Variants in SLC35F4 observed in about 807,000 individuals in gnomAD.
SLC35F4 encodes chromosome 14 open reading frame 36.
Under a neutral mutation model 44.2 loss-of-function variants are expected in SLC35F4, and 24 were observed. The observed-to-expected ratio is 0.54, with a 90% confidence interval of 0.39 to 0.76. The LOEUF (loss-of-function observed/expected upper bound fraction) is 0.76, where lower values mean the gene tolerates loss of function less well. Among genes scored for constraint, SLC35F4 ranks in the 30% least tolerant of loss-of-function variants. The pLI, the probability that SLC35F4 is intolerant of heterozygous loss-of-function variation, is 0.00. For synonymous variants in SLC35F4, 238 were observed against 223.6 expected, an observed-to-expected ratio of 1.06 and a Z score of -0.57; for missense variants, 562 against 586.1, an observed-to-expected ratio of 0.96 and a Z score of 0.42.
chr14:57,566,471 G>T lies in SLC35F4; in HGVS notation c.1216+4C>A, dbSNP rs771345490. 6.3e-7 allele frequency: 1 copy of T among 1,584,984 alleles called. No homozygotes were observed. The highest frequency in any genetic ancestry group is 1.8e-5 in the Admixed American group (1 of 55,972). ...GATCTGCACATGTCACATGGTGCCT[G>T]TACCTGCATTTCCAGGAACGCTGAG... On this transcript the variant is annotated splice_donor_region_variant and intron_variant, in intron 7 of 7. Coordinates refer to ENST00000556826, the MANE Select transcript of SLC35F4 (RefSeq NM_001306087.2).
At chr14:57,930,543 G>A (rs778081897) in intron 1 of SLC35F4, among the ~76,000 whole-genome samples, 2 of 152,076 alleles carry the variant, frequency 1.3e-5, no homozygotes, top group Non-Finnish European at 1.5e-5. Context: ...CCCGCTCTAA[G>A]GTGCCGTAAG....
At position 57,839,240 on chromosome 14, in the gene SLC35F4, T is replaced by C. The variant is rs575219652; in HGVS notation, c.103+26483A>G. Among the ~76,000 whole-genome samples, 15 of 152,178 alleles carry C rather than the reference T, an allele frequency of 9.9e-5. No homozygotes were observed. The South Asian group carries it at 3.1e-3, about 32-fold the overall frequency. ...TGTTCCTGTTCAGCACCAAGATAGG[T>C]CAAATATTAGAAAACTCCACTCCTT... On this transcript the variant is annotated intron_variant, in intron 1 of 7. Transcript: ENST00000556826.
intron 1 of SLC35F4, among the ~76,000 whole-genome samples, chr14:57,629,030 C>T (rs910061547): frequency 1.2e-4 from 18 of 152,124 alleles, no homozygotes; most frequent in African/African-American, 4.3e-4. Context: ...CATTTACCAT[C>T]GGATACAGGT....
At chr14:57,822,333 T>A (rs1883256844) in intron 1 of SLC35F4, among the ~76,000 whole-genome samples, 2 of 152,158 alleles carry the variant, frequency 1.3e-5, no homozygotes, top group South Asian at 4.1e-4. Flanking sequence ...ATGCAACACT[T>A]AACACTAAAA....
intron 1 of SLC35F4, among the ~76,000 whole-genome samples, chr14:57,622,195 T>C (rs1195007615): frequency 1.1e-5 from 1 of 94,052 alleles, no homozygotes; most frequent in African/African-American, 3.6e-5. Flanking sequence ...TGTGGACAAA[T>C]AGGAACACTT....
intron 1 of SLC35F4, among the ~76,000 whole-genome samples, chr14:57,966,323 C>T (rs1890436215): frequency 6.6e-6 from 1 of 152,138 alleles, no homozygotes; most frequent in Non-Finnish European, 1.5e-5. Flanking sequence ...TATTTCAGTT[C>T]GGTTCTATGT....
intron 1 of SLC35F4, among the ~76,000 whole-genome samples, chr14:57,773,203 CTGAGT>C (rs998664431): frequency 2.9e-4 from 44 of 152,014 alleles, no homozygotes; most frequent in African/African-American, 1.0e-3. Context: ...TTTATTCTTG[CTGAGT>C]TGAGTTCCTT....
chr14:57,612,961 A>T (rs1057477429), intron 1 of SLC35F4, among the ~76,000 whole-genome samples: 1 of 152,216 alleles, frequency 6.6e-6, no homozygotes, highest in Non-Finnish European at 1.5e-5. Flanking sequence ...GCTGCCTCAC[A>T]TTTGCATCTT....
chr14:57,653,600 T>TA, intron 1 of SLC35F4, among the ~76,000 whole-genome samples: 1 of 152,312 alleles, frequency 6.6e-6, no homozygotes, highest in African/African-American at 2.4e-5. Context: ...ATTTAGATTT[T>TA]AAAACAACTG....
upstream of SLC35F4, among the ~76,000 whole-genome samples, chr14:57,870,684 A>G (rs1888279422): frequency 6.6e-6 from 1 of 152,226 alleles, no homozygotes; most frequent in East Asian, 1.9e-4. Flanking sequence ...AAAATATTTT[A>G]CGAAGGCCTG....
chr14:57,870,389 C>T (rs114168956), upstream of SLC35F4, among the ~76,000 whole-genome samples: 398 of 152,188 alleles, frequency 2.6e-3, 2 homozygotes, highest in African/African-American at 8.8e-3. Context: ...TTTCTAGCTG[C>T]GTGACCTTGG....
intron 1 of SLC35F4, among the ~76,000 whole-genome samples, chr14:57,729,513 G>T (rs1303833100): frequency 6.6e-6 from 1 of 152,132 alleles, no homozygotes; most frequent in African/African-American, 2.4e-5. Flanking sequence ...GTTAGCCCAG[G>T]ATGTATCTAG....
chr14:57,641,615 A>G (rs940755128), intron 1 of SLC35F4, among the ~76,000 whole-genome samples: 1 of 152,038 alleles, frequency 6.6e-6, no homozygotes, highest in Admixed American at 6.6e-5. Context: ...CTAGAAAATG[A>G]TTCATGCTGT....
At chr14:57,914,090 A>T (rs1026215236) in intron 1 of SLC35F4, among the ~76,000 whole-genome samples, 3 of 152,186 alleles carry the variant, frequency 2.0e-5, no homozygotes, top group African/African-American at 7.2e-5. Context: ...AGTCTGTTTT[A>T]TGCTGCTATG....
intron 1 of SLC35F4, among the ~76,000 whole-genome samples, chr14:57,721,558 A>G (rs1156708961): frequency 6.6e-6 from 1 of 152,234 alleles, no homozygotes; most frequent in East Asian, 1.9e-4. Context: ...AAACACACAC[A>G]AGCTCTTATC....
intron 1 of SLC35F4, among the ~76,000 whole-genome samples, chr14:57,940,533 C>T (rs181720484): frequency 5.9e-5 from 9 of 152,204 alleles, no homozygotes; most frequent in African/African-American, 2.2e-4. Flanking sequence ...CATAGAGGTC[C>T]CCTAATGACC....
At position 57,730,702 on chromosome 14, in the gene SLC35F4, C is replaced by T. The variant is rs549058485; in HGVS notation, c.103+135021G>A. 3.9e-5 allele frequency among the ~76,000 whole-genome samples: 6 copies of T among 152,238 alleles called. No homozygotes were observed. The East Asian group carries it at 7.7e-4, about 20-fold the overall frequency. On this transcript the variant is annotated intron_variant, in intron 1 of 7. Coordinates refer to ENST00000556826, the MANE Select transcript of SLC35F4 (RefSeq NM_001306087.2). Reference sequence around the variant, plus strand: ...GCATCCATGAAAAATGGTAGCAATACAGTGTGCATTATTTTATTTCTCCCT... The same window carrying T: ...GCATCCATGAAAAATGGTAGCAATATAGTGTGCATTATTTTATTTCTCCCT...
At chr14:57,695,628 C>A (rs1390910290) in intron 1 of SLC35F4, among the ~76,000 whole-genome samples, 3 of 152,080 alleles carry the variant, frequency 2.0e-5, no homozygotes, top group African/African-American at 7.2e-5. Flanking sequence ...CCTCAGGGAT[C>A]TAGAACTAGA....
chr14:57,594,813 A>G (rs1253982056), intron 1 of SLC35F4, among the ~76,000 whole-genome samples: 1 of 152,160 alleles, frequency 6.6e-6, no homozygotes, highest in Non-Finnish European at 1.5e-5. Context: ...CTCAATCACT[A>G]CTAGCCTCTA....
Sources: allele counts gnomAD v4.1 joint callset (sites outside exome capture counted in the v4.1 genomes callset), GRCh38; gene constraint gnomAD v4.1.1; transcripts MANE v1.5; gene names NCBI Gene and HGNC (gene_info 2026-07-23, HGNC 2026-07-21).